Variants in CADPS observed in about 807,000 individuals in gnomAD.
The protein encoded by CADPS is calcium-dependent secretion activator 1.
A neutral mutation model predicts 167.3 loss-of-function variants in CADPS; 57 were observed. The ratio of observed to expected loss-of-function variants is 0.34; its 90% CI spans 0.28 to 0.42. CADPS has a LOEUF of 0.42. Among genes scored for constraint, CADPS ranks in the 20% least tolerant of loss-of-function variants. The pLI is 1.00. For synonymous variants in CADPS, 676 were observed against 635.3 expected (o/e 1.06, Z -0.96); for missense variants, 1,414 against 1,738.1 (o/e 0.81, Z 3.32).
intron 3 of CADPS, among the ~76,000 whole-genome samples, chr3:62,724,776 C>T (rs879589659): frequency 1.3e-5 from 2 of 152,216 alleles, no homozygotes; most frequent in South Asian, 2.1e-4. Context: ...TTGCTCTCCA[C>T]GAAACCTTCA....
At chr3:62,626,309 T>C (rs1013903639) in intron 6 of CADPS, 2 of 450,236 alleles carry the variant, frequency 4.4e-6, no homozygotes, top group Non-Finnish European at 7.7e-6. Flanking sequence ...ATTCCATCTT[T>C]CTCATTCACG....
At chr3:62,723,793 C>T (rs1230244135) in intron 3 of CADPS, among the ~76,000 whole-genome samples, 2 of 152,224 alleles carry the variant, frequency 1.3e-5, no homozygotes, top group Non-Finnish European at 2.9e-5. Flanking sequence ...GCTCCCTGCA[C>T]GCTGACACTT....
chr3:62,776,506 T>G (rs1018802995), intron 1 of CADPS, among the ~76,000 whole-genome samples: 3 of 152,044 alleles, frequency 2.0e-5, no homozygotes, highest in African/African-American at 7.2e-5. Context: ...TACAAAAAAT[T>G]AGCCGGGCAT....
chr3:62,519,224 T>G (rs1487129411), intron 13 of CADPS, among the ~76,000 whole-genome samples: 1 of 152,202 alleles, frequency 6.6e-6, no homozygotes, highest in Non-Finnish European at 1.5e-5. Context: ...TGTGTCACCA[T>G]AAAACTTCTA....
intron 23 of CADPS, among the ~76,000 whole-genome samples, chr3:62,477,658 G>A (rs1032756688): frequency 2.0e-5 from 3 of 152,168 alleles, no homozygotes; most frequent in Non-Finnish European, 4.4e-5. Context: ...AAAAGCCACA[G>A]TGACAAAACA....
intron 9 of CADPS, among the ~76,000 whole-genome samples, chr3:62,567,308 C>G (rs2152426567): frequency 6.6e-6 from 1 of 152,210 alleles, no homozygotes; most frequent in East Asian, 1.9e-4. Flanking sequence ...CAGCACCACC[C>G]AAGGTATTGC....
chr3:62,693,546 C>T (rs2079610933), intron 3 of CADPS, among the ~76,000 whole-genome samples: 1 of 152,138 alleles, frequency 6.6e-6, no homozygotes, highest in South Asian at 2.1e-4. Context: ...ATTTGGGAGG[C>T]TGAGACAGGC....
intron 3 of CADPS, among the ~76,000 whole-genome samples, chr3:62,729,707 A>T (rs997424792): frequency 6.6e-5 from 10 of 151,832 alleles, no homozygotes; most frequent in Admixed American, 5.2e-4. Flanking sequence ...CTATCACCTC[A>T]ATGTTATTAT....
chr3:62,577,173 A>G (rs1415463072), intron 8 of CADPS, among the ~76,000 whole-genome samples: 1 of 152,162 alleles, frequency 6.6e-6, no homozygotes, highest in East Asian at 1.9e-4. Flanking sequence ...TTGGTAGGGT[A>G]GCACCCATGG....
intron 8 of CADPS, among the ~76,000 whole-genome samples, chr3:62,583,184 T>TCG (rs2083823858): frequency 6.6e-6 from 1 of 151,808 alleles, no homozygotes; most frequent in Non-Finnish European, 1.5e-5. Context: ...TCTCTCTCTC[T>TCG]CTCTTTCTAC....
chr3:62,649,958 C>G (rs2069659545), intron 5 of CADPS, among the ~76,000 whole-genome samples: 1 of 152,078 alleles, frequency 6.6e-6, no homozygotes, highest in African/African-American at 2.4e-5. Flanking sequence ...CGGGTATACC[C>G]CATTTTGTCG....
chr3:62,710,895 TC>T (rs1353331740), intron 3 of CADPS, among the ~76,000 whole-genome samples: 2 of 152,200 alleles, frequency 1.3e-5, no homozygotes, highest in African/African-American at 4.8e-5. Context: ...GCTTATCATT[TC>T]TTTTAATTCC....
Position 62,598,718 on chromosome 3 carries a change from G to T in CADPS, c.1326-5970C>A, listed in dbSNP as rs72874406. On this transcript the variant is annotated intron_variant, in intron 6 of 29. Coordinates refer to ENST00000383710, the MANE Select transcript of CADPS (RefSeq NM_003716.4). Reference sequence around the variant, plus strand: ...TAATATGTTCAGGGTCACACACAAGGAGTAAATGGCAGTTAGTGACCTCAG... The same window carrying T: ...TAATATGTTCAGGGTCACACACAAGTAGTAAATGGCAGTTAGTGACCTCAG... Among the ~76,000 whole-genome samples the T allele has an allele frequency of 8.1e-3, 1,229 of 152,258 alleles. 15 individuals are homozygous for T. Among genetic ancestry groups the T allele is most frequent in the African/African-American group, 0.027 (1,137 of 41,558 alleles).
chr3:62,639,516 C>T (rs2066990574), intron 6 of CADPS, among the ~76,000 whole-genome samples: 1 of 152,152 alleles, frequency 6.6e-6, no homozygotes, highest in South Asian at 2.1e-4. Context: ...ATCAACTCTC[C>T]TCCATGGGTG....
chr3:62,489,950 A>G (rs1169140272), intron 21 of CADPS, among the ~76,000 whole-genome samples: 1 of 152,222 alleles, frequency 6.6e-6, no homozygotes, highest in Admixed American at 6.5e-5. Context: ...CTGGAGAATA[A>G]CAAACTAAAA....
At chr3:62,664,069 G>A (rs1476598044) in intron 3 of CADPS, among the ~76,000 whole-genome samples, 1 of 152,014 alleles carries the variant, frequency 6.6e-6, no homozygotes, top group Non-Finnish European at 1.5e-5. Flanking sequence ...GTGCAGTGGT[G>A]TGATCTCGGC....
intron 3 of CADPS, among the ~76,000 whole-genome samples, chr3:62,717,477 G>A (rs1010545097): frequency 1.3e-5 from 2 of 151,976 alleles, no homozygotes; most frequent in Admixed American, 6.6e-5. Context: ...CCTCCAAACC[G>A]GTTCCTTTCT....
At position 62,503,662 on chromosome 3, in the gene CADPS, G is replaced by T. The variant is rs1479118925; in HGVS notation, c.2600-4394C>A. Among the ~76,000 whole-genome samples the T allele has an allele frequency of 2.6e-5, 4 of 152,262 alleles. No homozygotes were observed. In the South Asian group the frequency reaches 8.3e-4, roughly 32 times the overall value. On this transcript the variant is annotated intron_variant, in intron 17 of 29. Transcript: ENST00000383710. Reference sequence around the variant, plus strand: ...TTATTTTCAATTTGGAATTCTCGTGGCTTTTATATTGTGGGTTGAATCATA... The same window carrying T: ...TTATTTTCAATTTGGAATTCTCGTGTCTTTTATATTGTGGGTTGAATCATA...
intron 1 of CADPS, among the ~76,000 whole-genome samples, chr3:62,873,412 T>C (rs1357705233): frequency 6.6e-6 from 1 of 152,224 alleles, no homozygotes; most frequent in Non-Finnish European, 1.5e-5. Flanking sequence ...ACACTGCCTC[T>C]GTGTGGGGCT....
Sources: gnomAD v4.1 joint callset for allele counts (sites outside exome capture counted in the v4.1 genomes callset) on GRCh38, gnomAD v4.1.1 for gene constraint, MANE v1.5 for transcripts, NCBI Gene and HGNC (gene_info 2026-07-23, HGNC 2026-07-21) for gene names.